VOPP1: variants seen among roughly 807,000 people sequenced by gnomAD.
VOPP1 encodes WW domain binding protein VOPP1.
In VOPP1, 8 loss-of-function variants were observed where a neutral mutation model predicts 23.5. The observed-to-expected ratio is 0.34, with a 90% CI of 0.20 to 0.61. The LOEUF (loss-of-function observed/expected upper bound fraction) is 0.61, where lower values mean the gene tolerates loss of function less well. VOPP1 is among the 20% of genes least tolerant of loss of function. VOPP1 has a pLI of 0.78. For synonymous variants in VOPP1, 83 were observed against 97.3 expected, an observed-to-expected ratio of 0.85 and a Z score of 0.86; for missense variants, 174 against 238.1, an observed-to-expected ratio of 0.73 and a Z score of 1.77.
At chr7:55,478,147 A>T (rs1440935694) in intron 4 of VOPP1, among the ~76,000 whole-genome samples, 1 of 152,252 alleles carries the variant, frequency 6.6e-6, no homozygotes, top group Non-Finnish European at 1.5e-5. Context: ...GCCTGCGGAC[A>T]GAAGACCAGC....
intron 1 of VOPP1, among the ~76,000 whole-genome samples, chr7:55,524,667 C>A (rs571992711): frequency 1.3e-5 from 2 of 152,196 alleles, no homozygotes; most frequent in South Asian, 2.1e-4. Flanking sequence ...GTTGTTGAGG[C>A]TTTCCTTCAA....
intron 4 of VOPP1, among the ~76,000 whole-genome samples, chr7:55,454,181 A>G (rs1399673469): frequency 6.6e-6 from 1 of 152,166 alleles, no homozygotes; most frequent in Non-Finnish European, 1.5e-5. Context: ...TGTGCTAGGA[A>G]CATTAAAAAT....
intron 1 of VOPP1, among the ~76,000 whole-genome samples, chr7:55,525,602 C>G (rs1796135332): frequency 6.6e-6 from 1 of 152,040 alleles, no homozygotes; most frequent in Non-Finnish European, 1.5e-5. Context: ...CACCAGCTAG[C>G]ACCTCTGTCC....
intron 4 of VOPP1, among the ~76,000 whole-genome samples, chr7:55,462,903 G>A (rs900160671): frequency 3.3e-5 from 5 of 151,932 alleles, no homozygotes; most frequent in Admixed American, 6.6e-5. Flanking sequence ...TGATCCGCCC[G>A]CCTCGGCCTC....
At chr7:55,552,014 CTG>C in intron 1 of VOPP1, among the ~76,000 whole-genome samples, 1 of 117,328 alleles carries the variant, frequency 8.5e-6, no homozygotes, top group Non-Finnish European at 1.6e-5. Flanking sequence ...AAGAGTGAGA[CTG>C]TGTCCAAAAA....
In VOPP1 at chr7:55,541,389, A is replaced by G. The variant is rs1023953363; in HGVS notation, c.55-20259T>C. The stretch of plus-strand genomic sequence containing the variant: ...GCTCAACAACATTAGTCATTAGGGA[A>G]TTACAAGTAAAAATCACTGTGAAAT... On this transcript the variant is annotated intron_variant, in intron 1 of 4. Transcript: ENST00000285279. Among the ~76,000 whole-genome samples the G allele has an allele frequency of 1.3e-5, 2 of 152,248 alleles. 1 individual carries two copies. The highest frequency in any genetic ancestry group is 4.1e-4 in the South Asian group (2 of 4,836).
intron 1 of VOPP1, among the ~76,000 whole-genome samples, chr7:55,545,900 C>T (rs1797346230): frequency 6.9e-6 from 1 of 145,316 alleles, no homozygotes; most frequent in Non-Finnish European, 1.5e-5. Context: ...AAGACCCCAA[C>T]TCTACAAAAA....
intron 4 of VOPP1, among the ~76,000 whole-genome samples, chr7:55,452,920 A>G (rs1224955952): frequency 6.6e-6 from 1 of 152,196 alleles, no homozygotes; most frequent in Non-Finnish European, 1.5e-5. Flanking sequence ...CTCACCAACT[A>G]TATTAGCCCC....
At chr7:55,516,924 A>ATATT (rs1446894633) in intron 2 of VOPP1, among the ~76,000 whole-genome samples, 21 of 43,052 alleles carry the variant, frequency 4.9e-4, no homozygotes, top group African/African-American at 2.5e-3. Flanking sequence ...ATATATATAT[A>ATATT]TATATATATT....
chr7:55,436,338 C>G (rs1790821239), intron 4 of VOPP1, among the ~76,000 whole-genome samples: 4 of 152,216 alleles, frequency 2.6e-5, no homozygotes, highest in Non-Finnish European at 2.9e-5. Context: ...CATTTCTTCT[C>G]TATAAAATCA....
intron 2 of VOPP1, among the ~76,000 whole-genome samples, chr7:55,502,273 C>T (rs1488352917): frequency 2.6e-5 from 4 of 152,232 alleles, no homozygotes; most frequent in Admixed American, 6.5e-5. Flanking sequence ...TGGAGTATAA[C>T]GGATTACAAG....
intron 1 of VOPP1, among the ~76,000 whole-genome samples, chr7:55,547,927 T>C (rs560487155): frequency 6.6e-6 from 1 of 152,326 alleles, no homozygotes; most frequent in African/African-American, 2.4e-5. Flanking sequence ...ATGTCTCTTC[T>C]TCCAACTTCT....
chr7:55,489,791 A>G (rs557409945), intron 4 of VOPP1, among the ~76,000 whole-genome samples: 4 of 152,208 alleles, frequency 2.6e-5, no homozygotes, highest in African/African-American at 9.6e-5. Flanking sequence ...CCGGGCATCT[A>G]CTTGGTGCCT....
rs1795601549 is a variant in VOPP1 at position 55,518,267 on chromosome 7, C to T, written c.113+2805G>A. 1.3e-5 allele frequency among the ~76,000 whole-genome samples: 2 copies of T among 152,182 alleles called. 1 individual carries two copies. The highest frequency in any genetic ancestry group is 4.1e-4 in the South Asian group (2 of 4,832). ...TGGTGCTAGGCAGAGGTGGGGACCG[C>T]ACATGCAGGGAAAGTGCTTCATGCT... On this transcript the variant is annotated intron_variant, in intron 2 of 4. Transcript: ENST00000285279.
At chr7:55,506,579 C>T (rs979918970) in intron 2 of VOPP1, among the ~76,000 whole-genome samples, 1 of 149,174 alleles carries the variant, frequency 6.7e-6, no homozygotes, top group Non-Finnish European at 1.5e-5. Flanking sequence ...TCAGGTGATC[C>T]GCCTGTCTTG....
At chr7:55,570,988 G>A (rs2129058317) in intron 1 of VOPP1, among the ~76,000 whole-genome samples, 1 of 152,218 alleles carries the variant, frequency 6.6e-6, no homozygotes, top group Admixed American at 6.5e-5. Context: ...AAGATTGCAA[G>A]TATAGGTACA....
chr7:55,465,856 C>T (rs1791618293), downstream of VOPP1, among the ~76,000 whole-genome samples: 1 of 152,318 alleles, frequency 6.6e-6, no homozygotes, highest in East Asian at 1.9e-4. Context: ...GACTCTCTCA[C>T]ATCTACTCTG....
At chr7:55,562,134 C>A in intron 1 of VOPP1, 1 of 698,636 alleles carries the variant, frequency 1.4e-6, no homozygotes, top group East Asian at 2.7e-5. Context: ...ACAGCCAACG[C>A]TGAGAATGGC....
chr7:55,468,549 C>T (rs1791693706), downstream of VOPP1, among the ~76,000 whole-genome samples: 4 of 152,234 alleles, frequency 2.6e-5, no homozygotes, highest in Admixed American at 2.0e-4. Flanking sequence ...TGGTGGCAGA[C>T]ACACCTCGGA....
Sources: allele counts gnomAD v4.1 joint callset (sites outside exome capture counted in the v4.1 genomes callset), GRCh38; gene constraint gnomAD v4.1.1; transcripts MANE v1.5; gene names NCBI Gene and HGNC (gene_info 2026-07-23, HGNC 2026-07-21).